The following DMRT1 variants were observed in gnomAD, a reference collection of about 807,000 sequenced individuals.
DMRT1 encodes doublesex and mab-3 related transcription factor 1, also known as doublesex- and mab-3-related transcription factor 1.
A neutral mutation model predicts 32.3 loss-of-function variants in DMRT1; 7 were observed. The observed-to-expected ratio is 0.22, with a 90% CI of 0.12 to 0.41. The LOEUF (loss-of-function observed/expected upper bound fraction) is 0.41. DMRT1 is among the 10% of genes least tolerant of loss of function. The pLI, the probability that DMRT1 is intolerant of heterozygous loss-of-function variation, is 1.00. For missense variants in DMRT1, 625 were observed against 500.5 expected, an observed-to-expected ratio of 1.25 and a Z score of -2.37; for synonymous variants, 278 against 206.1, an observed-to-expected ratio of 1.35 and a Z score of -2.99.
intron 2 of DMRT1, among the ~76,000 whole-genome samples, chr9:848,346 A>G (rs1026326275): frequency 3.3e-5 from 5 of 152,182 alleles, no homozygotes; most frequent in African/African-American, 1.2e-4. Flanking sequence ...GCCATTATTA[A>G]AAAGGAAGTT....
At chr9:851,028 C>CAAAAAAAAAAAAAA (rs869227462) in intron 2 of DMRT1, among the ~76,000 whole-genome samples, 1 of 94,810 alleles carries the variant, frequency 1.1e-5, no homozygotes, top group South Asian at 4.2e-4. Flanking sequence ...GACTCTATCT[C>CAAAAAAAAAAAAAA]AAAAAAAAAA....
chr9:917,553 T>C (rs1031546343), intron 4 of DMRT1, among the ~76,000 whole-genome samples: 3 of 152,220 alleles, frequency 2.0e-5, no homozygotes, highest in African/African-American at 7.2e-5. Context: ...GTTTAAGTTC[T>C]TTATAGTTAA....
intron 4 of DMRT1, among the ~76,000 whole-genome samples, chr9:941,323 A>ACCCCCCCCCCCCCCCCCC (rs1357256753): frequency 1.7e-5 from 2 of 119,988 alleles, no homozygotes; most frequent in Non-Finnish European, 3.4e-5. Flanking sequence ...GCGCACACAC[A>ACCCCCCCCCCCCCCCCCC]CCCCCTCCCC....
chr9:900,609 T>A (rs557134719), intron 3 of DMRT1, among the ~76,000 whole-genome samples: 24 of 151,970 alleles, frequency 1.6e-4, no homozygotes, highest in African/African-American at 5.8e-4. Context: ...CAAATATGAT[T>A]TTAAAATACT....
intron 4 of DMRT1, among the ~76,000 whole-genome samples, chr9:945,847 A>G (rs1450811581): frequency 6.6e-6 from 1 of 150,868 alleles, no homozygotes; most frequent in Non-Finnish European, 1.5e-5. Context: ...TAAACTCTTG[A>G]TGTGTGTTGT....
At chr9:906,320 G>A (rs746084353) in intron 3 of DMRT1, among the ~76,000 whole-genome samples, 5 of 152,160 alleles carry the variant, frequency 3.3e-5, no homozygotes, top group Non-Finnish European at 7.3e-5. Flanking sequence ...TTGCCCTCCC[G>A]GCAGGCTCTC....
chr9:903,862 G>A (rs535422014), intron 3 of DMRT1, among the ~76,000 whole-genome samples: 2 of 152,238 alleles, frequency 1.3e-5, no homozygotes, highest in Admixed American at 1.3e-4. Context: ...GGTTGAAGTG[G>A]TCCAGTAGCA....
intron 4 of DMRT1, among the ~76,000 whole-genome samples, chr9:919,469 G>C (rs913195098): frequency 1.3e-5 from 2 of 152,120 alleles, no homozygotes. Context: ...TCGTGTTACT[G>C]CTTTTTAATG....
chr9:882,686 G>C (rs1280904107), intron 2 of DMRT1, among the ~76,000 whole-genome samples: 1 of 149,664 alleles, frequency 6.7e-6, no homozygotes, highest in East Asian at 2.0e-4. Flanking sequence ...CCTCATGTTT[G>C]TATTTTCCCG....
At chr9:854,613 A>G (rs1444239735) in intron 2 of DMRT1, among the ~76,000 whole-genome samples, 4 of 152,162 alleles carry the variant, frequency 2.6e-5, no homozygotes, top group Non-Finnish European at 4.4e-5. Context: ...GAGTCTGGCC[A>G]CTTAAGTGAA....
At chr9:846,935 A>G (rs373091619) in intron 1 of DMRT1, 25 bp from the exon 2 acceptor site, 1 of 1,613,790 alleles carries the variant, frequency 6.2e-7, no homozygotes, top group Non-Finnish European at 8.5e-7. Flanking sequence ...GTGCTGGAGG[A>G]TGACTCATTG....
intron 2 of DMRT1, among the ~76,000 whole-genome samples, chr9:859,389 C>T (rs1295707725): frequency 1.3e-5 from 2 of 152,076 alleles, no homozygotes; most frequent in Non-Finnish European, 2.9e-5. Flanking sequence ...TAGGAGTGCC[C>T]TTAGTTGTAC....
chr9:862,647 G>C (rs1366238747), intron 2 of DMRT1, among the ~76,000 whole-genome samples: 1 of 152,156 alleles, frequency 6.6e-6, no homozygotes, highest in Non-Finnish European at 1.5e-5. Flanking sequence ...GTGAAAGGGA[G>C]AGCTGCTTAG....
intron 4 of DMRT1, among the ~76,000 whole-genome samples, chr9:929,592 T>C (rs1818641715): frequency 6.6e-6 from 1 of 152,042 alleles, no homozygotes; most frequent in Non-Finnish European, 1.5e-5. Context: ...AAGAATATTC[T>C]TTCTTTCTTT....
chr9:938,910 G>A (rs79277509), intron 4 of DMRT1, among the ~76,000 whole-genome samples: 1 of 152,152 alleles, frequency 6.6e-6, no homozygotes, highest in African/African-American at 2.4e-5. Flanking sequence ...AACACTAATA[G>A]CCTGATTTGC....
At chr9:889,075 T>C (rs1371643299) in intron 2 of DMRT1, among the ~76,000 whole-genome samples, 1 of 152,140 alleles carries the variant, frequency 6.6e-6, no homozygotes, top group Non-Finnish European at 1.5e-5. Flanking sequence ...GAATTTGCAT[T>C]TCTTTACGTT....
rs1815921353 is a variant in DMRT1, at chr9:865,110, C to G, written c.538+17967C>G. On this transcript the variant is annotated intron_variant, in intron 2 of 4. Coordinates refer to ENST00000382276, the MANE Select transcript of DMRT1 (RefSeq NM_021951.3). ...ACTGTTTGCGTTGATGTGGAATGAG[C>G]ATTGTCATTATTCCTGCATGACGTT... is the stretch of plus-strand genomic sequence containing the variant. Among the ~76,000 whole-genome samples, 3 of 152,174 alleles carry G rather than the reference C, an allele frequency of 2.0e-5. No individual in the cohort carries two copies. In the South Asian group the frequency reaches 6.2e-4, roughly 32 times the overall value.
chr9:962,868 G>A (rs1819819389), intron 4 of DMRT1, among the ~76,000 whole-genome samples: 1 of 152,096 alleles, frequency 6.6e-6, no homozygotes, highest in South Asian at 2.1e-4. Context: ...AGCTACAGTA[G>A]GACCAGACTG....
chr9:888,437 G>T (rs972152510), intron 2 of DMRT1, among the ~76,000 whole-genome samples: 2 of 151,954 alleles, frequency 1.3e-5, no homozygotes, highest in Admixed American at 6.6e-5. Context: ...TCCCTTAGTG[G>T]CTGGGACTAC....
Sources: gnomAD v4.1 joint callset for allele counts (sites outside exome capture counted in the v4.1 genomes callset) on GRCh38, gnomAD v4.1.1 for gene constraint, MANE v1.5 for transcripts, NCBI Gene and HGNC (gene_info 2026-07-23, HGNC 2026-07-21) for gene names.